The following PTPRT variants were observed in gnomAD, a reference collection of about 807,000 sequenced individuals.
PTPRT encodes the protein protein tyrosine phosphatase receptor type T.
Under a neutral mutation model 176.8 loss-of-function variants are expected in PTPRT, and 56 were observed. The observed-to-expected ratio is 0.32, with a 90% CI of 0.26 to 0.40. PTPRT has a LOEUF of 0.40. Among genes scored for constraint, PTPRT ranks in the 10% least tolerant of loss-of-function variants. PTPRT has a pLI of 1.00. For missense variants in PTPRT, 1,540 were observed against 1,908.2 expected (o/e 0.81, Z 3.60); for synonymous variants, 783 against 739.0 (o/e 1.06, Z -0.96).
At chr20:42,995,331 G>A (rs962501625) in intron 1 of PTPRT, among the ~76,000 whole-genome samples, 1 of 152,168 alleles carries the variant, frequency 6.6e-6, no homozygotes, top group African/African-American at 2.4e-5. Flanking sequence ...CACTGATTCT[G>A]TTTTAAGTCA....
At chr20:43,177,280 C>G (rs1237673219) in intron 1 of PTPRT, among the ~76,000 whole-genome samples, 1 of 152,178 alleles carries the variant, frequency 6.6e-6, no homozygotes, top group East Asian at 1.9e-4. Flanking sequence ...CCATTTGGAC[C>G]TGACATATAG....
chr20:42,092,679 G>T (rs1984749741), intron 27 of PTPRT, among the ~76,000 whole-genome samples: 1 of 152,186 alleles, frequency 6.6e-6, no homozygotes, highest in South Asian at 2.1e-4. Flanking sequence ...ATATTTTGCT[G>T]GTGTGTTAGG....
intron 2 of PTPRT, among the ~76,000 whole-genome samples, chr20:42,809,803 G>A (rs2077669323): frequency 6.6e-6 from 1 of 152,102 alleles, no homozygotes; most frequent in Non-Finnish European, 1.5e-5. Flanking sequence ...CCTAAATCCA[G>A]GATAACCTCC....
chr20:42,798,863 C>A (rs1377557438), intron 2 of PTPRT, among the ~76,000 whole-genome samples: 1 of 151,808 alleles, frequency 6.6e-6, no homozygotes, highest in East Asian at 1.9e-4. Context: ...GGTATTAACC[C>A]CCAGTGATTG....
At chr20:42,143,867 G>A (rs989997969) in intron 17 of PTPRT, among the ~76,000 whole-genome samples, 20 of 152,196 alleles carry the variant, frequency 1.3e-4, no homozygotes, top group Non-Finnish European at 2.6e-4. Flanking sequence ...AATCCAATGG[G>A]CACATCTCAT....
intron 1 of PTPRT, among the ~76,000 whole-genome samples, chr20:43,011,748 G>A (rs1985137064): frequency 6.6e-6 from 1 of 152,308 alleles, no homozygotes; most frequent in South Asian, 2.1e-4. Flanking sequence ...TTGTGTCTGT[G>A]AGGGTGTTGC....
chr20:42,320,477 G>A (rs746690532), intron 11 of PTPRT, among the ~76,000 whole-genome samples: 3 of 152,170 alleles, frequency 2.0e-5, no homozygotes, highest in Non-Finnish European at 4.4e-5. Flanking sequence ...GACAGATGGA[G>A]TGTATGCTTT....
chr20:42,723,922 G>C (rs1303956225), intron 6 of PTPRT, among the ~76,000 whole-genome samples: 1 of 152,188 alleles, frequency 6.6e-6, no homozygotes, highest in Non-Finnish European at 1.5e-5. Context: ...GGATCCAGAA[G>C]ACTGGGACTC....
chr20:42,530,179 C>G (rs976495046), intron 7 of PTPRT, among the ~76,000 whole-genome samples: 1 of 152,208 alleles, frequency 6.6e-6, no homozygotes, highest in Non-Finnish European at 1.5e-5. Flanking sequence ...CACAGATTCA[C>G]TGAGAAATTA....
chr20:42,770,656 A>G (rs760170705), intron 5 of PTPRT, among the ~76,000 whole-genome samples: 2 of 152,072 alleles, frequency 1.3e-5, no homozygotes, highest in Admixed American at 1.3e-4. Context: ...ATAAAAAGCG[A>G]CTCTCTAATT....
chr20:42,520,089 G>A (rs933188764), intron 7 of PTPRT, among the ~76,000 whole-genome samples: 1 of 151,968 alleles, frequency 6.6e-6, no homozygotes, highest in South Asian at 2.1e-4. Context: ...GTTTTGCCCA[G>A]AGTATCTTAT....
chr20:42,212,872 T>G (rs2055678232), intron 15 of PTPRT, among the ~76,000 whole-genome samples: 1 of 152,222 alleles, frequency 6.6e-6, no homozygotes, highest in Non-Finnish European at 1.5e-5. Context: ...GATAATGACT[T>G]TTCTTTAAAA....
chr20:42,041,091 G>A, the PTPRT span, among the ~76,000 whole-genome samples: 1,458 of 152,224 alleles, frequency 9.6e-3, 28 homozygotes, highest in African/African-American at 0.034. Flanking sequence ...AGTTCTGTTC[G>A]CATCTTTTTG....
chr20:42,677,182 C>T (rs1039301156), intron 7 of PTPRT, among the ~76,000 whole-genome samples: 1 of 152,046 alleles, frequency 6.6e-6, no homozygotes. Context: ...GCATTTAAGA[C>T]ATGGTTGGCA....
chr20:42,635,113 A>C (rs932697579), intron 7 of PTPRT, among the ~76,000 whole-genome samples: 1 of 152,124 alleles, frequency 6.6e-6, no homozygotes, highest in African/African-American at 2.4e-5. Flanking sequence ...CTGAAAAAAA[A>C]TATTTTTCAG....
At chr20:42,066,273 C>T in the PTPRT span, among the ~76,000 whole-genome samples, 1 of 152,012 alleles carries the variant, frequency 6.6e-6, no homozygotes, top group African/African-American at 2.4e-5. Context: ...AACTCCTGAC[C>T]TCAGGTGATC....
At chr20:42,633,326 C>T (rs933685842) in intron 7 of PTPRT, among the ~76,000 whole-genome samples, 4 of 152,036 alleles carry the variant, frequency 2.6e-5, no homozygotes, top group African/African-American at 9.7e-5. Flanking sequence ...AGATGGATAA[C>T]TTCTGGAATG....
intron 9 of PTPRT, among the ~76,000 whole-genome samples, chr20:42,439,284 A>C (rs545831426): frequency 6.6e-6 from 1 of 151,222 alleles, no homozygotes; most frequent in Non-Finnish European, 1.5e-5. Context: ...TTAATCTCAC[A>C]AAAAAAACCA....
chr20:42,840,154 G>A (rs572439970), intron 2 of PTPRT, among the ~76,000 whole-genome samples: 3 of 152,180 alleles, frequency 2.0e-5, no homozygotes, highest in Non-Finnish European at 2.9e-5. Flanking sequence ...CTAACTTCTC[G>A]TGGTTTGCTG....
Sources: allele counts gnomAD v4.1 joint callset (sites outside exome capture counted in the v4.1 genomes callset), GRCh38; gene constraint gnomAD v4.1.1; transcripts MANE v1.5; gene names NCBI Gene and HGNC (gene_info 2026-07-23, HGNC 2026-07-21).